PAPPA: variants seen among roughly 807,000 people sequenced by gnomAD.
PAPPA encodes pappalysin 1, also known as pappalysin-1.
A neutral mutation model predicts 164.0 loss-of-function variants in PAPPA; 60 were observed. That is an observed-to-expected ratio of 0.37 (90% CI 0.30 to 0.45). The LOEUF (loss-of-function observed/expected upper bound fraction) is 0.45, where lower values mean the gene tolerates loss of function less well. Among genes scored for constraint, PAPPA ranks in the 20% least tolerant of loss-of-function variants. The pLI, the probability that PAPPA is intolerant of heterozygous loss-of-function variation, is 1.00. For synonymous variants in PAPPA, 875 were observed against 814.1 expected, an observed-to-expected ratio of 1.07 and a Z score of -1.27; for missense variants, 1,782 against 2,087.3, an observed-to-expected ratio of 0.85 and a Z score of 2.85.
chr9:116,167,227 C>A (rs1843728370), intron 1 of PAPPA, among the ~76,000 whole-genome samples: 1 of 152,092 alleles, frequency 6.6e-6, no homozygotes, highest in Admixed American at 6.6e-5. Context: ...TGCTCAAGTC[C>A]CCAACATAAA....
chr9:116,202,738 G>A (rs1844185821), intron 2 of PAPPA, among the ~76,000 whole-genome samples: 2 of 152,110 alleles, frequency 1.3e-5, no homozygotes, highest in Non-Finnish European at 2.9e-5. Flanking sequence ...GTGTGGAGGA[G>A]GAATTATGGT....
intron 10 of PAPPA, among the ~76,000 whole-genome samples, chr9:116,315,576 A>G (rs1241806067): frequency 6.6e-6 from 1 of 152,230 alleles, no homozygotes; most frequent in Non-Finnish European, 1.5e-5. Context: ...TTTTTGCAGG[A>G]AAGATTGGGG....
At position 116,212,018 on chromosome 9, in the gene PAPPA, A is replaced by G. The variant is rs1296755450; in HGVS notation, c.1918+86A>G. On this transcript the variant is annotated intron_variant, in intron 4 of 21. Transcript: ENST00000328252. ...GGCTCAGGGGAACCTTGAACAAGCT[A>G]CTTACCATTTCTAAGGATGGAAGGC... 5 of 1,188,532 alleles carry G rather than the reference A, an allele frequency of 4.2e-6. No individual in the cohort carries two copies. In the East Asian group the frequency reaches 9.4e-5, roughly 22 times the overall value. The allele number at this position is 1,188,532 out of a possible 1,614,324, so 73.6% of individuals were successfully genotyped here. A position where few individuals can be genotyped will look rare whatever the true frequency, so the allele number is the denominator to read the frequency against.
At chr9:116,383,008 CA>C (rs1351495648) in intron 21 of PAPPA, among the ~76,000 whole-genome samples, 1 of 152,138 alleles carries the variant, frequency 6.6e-6, no homozygotes, top group Admixed American at 6.5e-5. Context: ...AGTCTTTGAG[CA>C]TTTTATTATC....
intron 1 of PAPPA, among the ~76,000 whole-genome samples, chr9:116,168,932 C>A (rs1388064041): frequency 6.6e-6 from 1 of 152,142 alleles, no homozygotes; most frequent in Non-Finnish European, 1.5e-5. Context: ...TGCATTATTC[C>A]TTTTACTTCG....
At chr9:116,161,042 G>C (rs1200352279) in intron 1 of PAPPA, among the ~76,000 whole-genome samples, 1 of 152,192 alleles carries the variant, frequency 6.6e-6, no homozygotes, top group Non-Finnish European at 1.5e-5. Flanking sequence ...AATGCCGGGA[G>C]AAGCCGTTGG....
chr9:116,243,006 C>T lies in PAPPA; in HGVS notation c.2732+7369C>T, dbSNP rs117289274. ...TGTCTATTCATATCCTTAAGATGGG[C>T]CTCATCTTTAATCTCCTTCACACCT... On this transcript the variant is annotated intron_variant, in intron 7 of 21. Transcript: ENST00000328252. Among the ~76,000 whole-genome samples, 1,485 of 152,208 alleles carry T rather than the reference C, an allele frequency of 9.8e-3. 20 individuals are homozygous for T. The highest frequency in any genetic ancestry group is 0.036 in the South Asian group (173 of 4,820).
intron 6 of PAPPA, 68 bp downstream of exon 6, chr9:116,227,620 G>T: frequency 6.5e-7 from 1 of 1,531,256 alleles, no homozygotes. Context: ...CAATGTATAT[G>T]GGGTTTTATT....
At chr9:116,336,957 T>C (rs1011891002) in intron 13 of PAPPA, among the ~76,000 whole-genome samples, 1 of 152,200 alleles carries the variant, frequency 6.6e-6, no homozygotes, top group African/African-American at 2.4e-5. Context: ...TATTTTATTA[T>C]TGCACCTCTT....
rs143037843 is a variant in PAPPA at position 116,375,866 on chromosome 9, T to C, written c.4606-1710T>C. On this transcript the variant is annotated intron_variant, in intron 19 of 21. Transcript: ENST00000328252. Reference sequence around the variant, plus strand: ...CAGTCAGTTGAACAACCTCTGATCATGTGGACTTCCATAGTTGGTTGTTCA... The same window carrying C: ...CAGTCAGTTGAACAACCTCTGATCACGTGGACTTCCATAGTTGGTTGTTCA... 1.2e-4 allele frequency among the ~76,000 whole-genome samples: 19 copies of C among 152,352 alleles called. No individual in the cohort carries two copies. The East Asian group carries it at 3.7e-3, about 29-fold the overall frequency.
At chr9:116,291,111 A>T (rs1437322353) in intron 9 of PAPPA, among the ~76,000 whole-genome samples, 1 of 152,150 alleles carries the variant, frequency 6.6e-6, no homozygotes, top group Non-Finnish European at 1.5e-5. Flanking sequence ...TATAAGGATT[A>T]CTATCTTTGC....
rs531416171 is a variant in PAPPA, at chr9:116,401,031, TATTCA to T, written c.*4417_*4421del. 3.9e-4 allele frequency: 60 copies of T among 152,720 alleles called. No homozygotes were observed. Among genetic ancestry groups the T allele is most frequent in the African/African-American group, 1.4e-3 (57 of 41,566 alleles). The allele number at this position is 152,720 out of a possible 1,614,324, so 9.5% of individuals were successfully genotyped here. A position where few individuals can be genotyped will look rare whatever the true frequency, so the allele number is the denominator to read the frequency against. On this transcript the variant is annotated 3_prime_UTR_variant, in exon 22 of 22. Coordinates refer to ENST00000328252, the MANE Select transcript of PAPPA (RefSeq NM_002581.5). ...GCTTGACACAAAGTCCATGGGTTAT[TATTCA>T]AGAATGCACAGGCCCATCGGCCTTT...
intron 7 of PAPPA, among the ~76,000 whole-genome samples, chr9:116,240,292 G>T (rs1844720435): frequency 6.6e-6 from 1 of 152,112 alleles, no homozygotes; most frequent in African/African-American, 2.4e-5. Context: ...GAAAAGAGAG[G>T]GACAGGCAAG....
chr9:116,219,232 C>T (rs1435802719), intron 4 of PAPPA, among the ~76,000 whole-genome samples: 1 of 152,220 alleles, frequency 6.6e-6, no homozygotes, highest in Non-Finnish European at 1.5e-5. Flanking sequence ...CAGTGATTGA[C>T]ATCACAGACT....
At chr9:116,304,965 T>A (rs1174105356) in intron 10 of PAPPA, among the ~76,000 whole-genome samples, 1 of 152,168 alleles carries the variant, frequency 6.6e-6, no homozygotes, top group East Asian at 1.9e-4. Flanking sequence ...GGAATATGTG[T>A]GCAGGCTGGG....
At chr9:116,206,230 G>A (rs1288308875) in intron 2 of PAPPA, among the ~76,000 whole-genome samples, 1 of 152,082 alleles carries the variant, frequency 6.6e-6, no homozygotes, top group Non-Finnish European at 1.5e-5. Context: ...GCTCTCCTGG[G>A]CCCACCTATC....
At chr9:116,231,955 T>C (rs1844603936) in intron 6 of PAPPA, among the ~76,000 whole-genome samples, 1 of 151,856 alleles carries the variant, frequency 6.6e-6, no homozygotes, top group Admixed American at 6.6e-5. Context: ...GAGATGACCA[T>C]GTAGGTCAGG....
chr9:116,390,705 C>T (rs541850186), intron 21 of PAPPA, among the ~76,000 whole-genome samples: 448 of 152,186 alleles, frequency 2.9e-3, no homozygotes, highest in Non-Finnish European at 5.0e-3. Flanking sequence ...CCCTGCCCCC[C>T]GCTTTGGAAT....
intron 19 of PAPPA, among the ~76,000 whole-genome samples, chr9:116,369,007 T>G (rs562555400): frequency 3.9e-5 from 6 of 152,284 alleles, no homozygotes; most frequent in African/African-American, 1.2e-4. Context: ...CTGTCTCTTT[T>G]TCTGTCTTCA....
Sources: gnomAD v4.1 joint callset for allele counts (sites outside exome capture counted in the v4.1 genomes callset) on GRCh38, gnomAD v4.1.1 for gene constraint, MANE v1.5 for transcripts, NCBI Gene and HGNC (gene_info 2026-07-23, HGNC 2026-07-21) for gene names.